The following HYCC2 variants were observed in gnomAD, a reference collection of about 807,000 sequenced individuals.
HYCC2 encodes the protein hyccin PI4KA lipid kinase complex subunit 2, also known as hyccin 2.
chr2:200,988,521 C>T, the HYCC2 span: 1 of 773,520 alleles, frequency 1.3e-6, no homozygotes, highest in South Asian at 2.2e-5. Flanking sequence ...TTAAAATTTG[C>T]ATTATAATGT....
chr2:200,987,730 GAC>G, the HYCC2 span, among the ~76,000 whole-genome samples: 1 of 152,152 alleles, frequency 6.6e-6, no homozygotes, highest in South Asian at 2.1e-4. Context: ...AATGAATTAA[GAC>G]AGAAAAATCA....
the HYCC2 span, among the ~76,000 whole-genome samples, chr2:201,006,650 T>C: frequency 6.6e-6 from 1 of 152,222 alleles, no homozygotes; most frequent in Non-Finnish European, 1.5e-5. Context: ...CTGGGAGATA[T>C]TTTGGTCATA....
At chr2:201,024,503 A>C in the HYCC2 span, among the ~76,000 whole-genome samples, 2 of 151,390 alleles carry the variant, frequency 1.3e-5, no homozygotes, top group Admixed American at 1.3e-4. Context: ...ATAAAATAAA[A>C]ATAAGTTTTA....
At chr2:201,048,072 G>A in the HYCC2 span, among the ~76,000 whole-genome samples, 1 of 152,032 alleles carries the variant, frequency 6.6e-6, no homozygotes, top group South Asian at 2.1e-4. Context: ...ACAGTATAAG[G>A]AAATGTTAAT....
the HYCC2 span, among the ~76,000 whole-genome samples, chr2:201,026,002 T>G: frequency 6.6e-6 from 1 of 152,146 alleles, no homozygotes; most frequent in Non-Finnish European, 1.5e-5. Context: ...ATGCTCCAAT[T>G]AAAAGACACA....
At chr2:200,999,278 T>A in the HYCC2 span, among the ~76,000 whole-genome samples, 3 of 152,046 alleles carry the variant, frequency 2.0e-5, no homozygotes, top group African/African-American at 7.2e-5. Flanking sequence ...TGCAAAACTT[T>A]AAAAAAAATT....
the HYCC2 span, among the ~76,000 whole-genome samples, chr2:201,000,074 A>G: frequency 2.0e-4 from 29 of 145,262 alleles, no homozygotes; most frequent in African/African-American, 5.1e-4. Flanking sequence ...AAAAAAAAAA[A>G]AAAAAAGAAA....
the HYCC2 span, among the ~76,000 whole-genome samples, chr2:200,986,901 A>G: frequency 6.6e-6 from 1 of 152,206 alleles, no homozygotes; most frequent in African/African-American, 2.4e-5. Context: ...CTCCACTTCA[A>G]TGTCTTAATG....
chr2:201,044,068 A>G, the HYCC2 span, among the ~76,000 whole-genome samples: 1 of 152,248 alleles, frequency 6.6e-6, no homozygotes, highest in Non-Finnish European at 1.5e-5. Flanking sequence ...TCTGAAGATC[A>G]TTTCTCCTAC....
At chr2:201,023,989 A>G in the HYCC2 span, 1 of 1,613,436 alleles carries the variant, frequency 6.2e-7, no homozygotes, top group Non-Finnish European at 8.5e-7. Context: ...CTTCCACAAC[A>G]CAACGGTCAG....
chr2:201,031,002 C>G, the HYCC2 span, among the ~76,000 whole-genome samples: 1 of 152,260 alleles, frequency 6.6e-6, no homozygotes, highest in Non-Finnish European at 1.5e-5. Context: ...GCAATCAACA[C>G]CCTTATACAT....
At chr2:201,003,479 G>C in the HYCC2 span, among the ~76,000 whole-genome samples, 2 of 152,076 alleles carry the variant, frequency 1.3e-5, no homozygotes, top group Non-Finnish European at 2.9e-5. Flanking sequence ...GGGAGGCTGA[G>C]GTGGGTGGAT....
the HYCC2 span, chr2:201,017,193 T>C: frequency 7.9e-6 from 12 of 1,526,796 alleles, no homozygotes; most frequent in South Asian, 1.2e-5. Flanking sequence ...TAAAGTGCAC[T>C]GGTCATTTCA....
chr2:201,068,754 A>G, the HYCC2 span, among the ~76,000 whole-genome samples: 1 of 152,232 alleles, frequency 6.6e-6, no homozygotes, highest in Admixed American at 6.5e-5. Context: ...TAGGAAGGTA[A>G]GGAGCTGTAC....
At chr2:201,033,046 C>G in the HYCC2 span, among the ~76,000 whole-genome samples, 3 of 150,832 alleles carry the variant, frequency 2.0e-5, no homozygotes, top group Non-Finnish European at 4.4e-5. Context: ...ATGTATATTA[C>G]TACTTTACTG....
chr2:201,059,698 C>A, the HYCC2 span, among the ~76,000 whole-genome samples: 2 of 152,106 alleles, frequency 1.3e-5, no homozygotes, highest in African/African-American at 4.8e-5. Context: ...ATAGTCACAA[C>A]AGCCCATAGT....
chr2:201,007,731 G>A, the HYCC2 span, among the ~76,000 whole-genome samples: 367 of 152,262 alleles, frequency 2.4e-3, 3 homozygotes, highest in African/African-American at 8.5e-3. Flanking sequence ...ACTGCCGTGT[G>A]ATTTAAGGTG....
the HYCC2 span, among the ~76,000 whole-genome samples, chr2:201,043,533 G>A: frequency 7.1e-6 from 1 of 141,132 alleles, no homozygotes; most frequent in African/African-American, 2.6e-5. Context: ...TTTTGAGACA[G>A]AGTCTCACTC....
At chr2:200,997,853 C>A in the HYCC2 span, among the ~76,000 whole-genome samples, 1 of 152,116 alleles carries the variant, frequency 6.6e-6, no homozygotes, top group African/African-American at 2.4e-5. Context: ...CTGGCTAACA[C>A]GGTGAAACCC....
Sources: allele counts gnomAD v4.1 joint callset (sites outside exome capture counted in the v4.1 genomes callset), GRCh38; gene constraint gnomAD v4.1.1; transcripts MANE v1.5; gene names NCBI Gene and HGNC (gene_info 2026-07-23, HGNC 2026-07-21).